Variants in ENTPD1 observed in about 807,000 individuals in gnomAD.
ENTPD1 encodes the protein ectonucleoside triphosphate diphosphohydrolase 1.
ENTPD1 carries 33 observed loss-of-function variants against 57.0 expected under a neutral mutation model. The observed-to-expected ratio is 0.58, with a 90% CI of 0.44 to 0.77. The LOEUF (loss-of-function observed/expected upper bound fraction) is 0.77, where lower values mean the gene tolerates loss of function less well. Among genes scored for constraint, ENTPD1 ranks in the 30% least tolerant of loss-of-function variants. ENTPD1 has a pLI of 0.00. For missense variants in ENTPD1, 501 were observed against 603.4 expected (o/e 0.83, Z 1.78); for synonymous variants, 202 against 218.8 (o/e 0.92, Z 0.68).
At chr10:95,777,144 G>T (rs1008084629) in intron 1 of ENTPD1, among the ~76,000 whole-genome samples, 1 of 152,190 alleles carries the variant, frequency 6.6e-6, no homozygotes, top group African/African-American at 2.4e-5. Flanking sequence ...GCTCGTCAAA[G>T]TCATTCTCCA....
chr10:95,707,745 T>C (rs1267505985), upstream of ENTPD1, among the ~76,000 whole-genome samples: 4 of 152,158 alleles, frequency 2.6e-5, no homozygotes, highest in Admixed American at 6.5e-5. Context: ...GCTGGGATTA[T>C]AGGCATGTGC....
chr10:95,747,808 T>C (rs1423679713), intron 1 of ENTPD1, among the ~76,000 whole-genome samples: 1 of 152,210 alleles, frequency 6.6e-6, no homozygotes, highest in Non-Finnish European at 1.5e-5. Context: ...TTGCTTACAC[T>C]GGTTTAACAG....
chr10:95,780,170 T>C (rs1341102891), intron 1 of ENTPD1, among the ~76,000 whole-genome samples: 2 of 152,224 alleles, frequency 1.3e-5, no homozygotes, highest in African/African-American at 4.8e-5. Context: ...TAAAAACTTT[T>C]ATTTGATAGG....
chr10:95,758,013 A>AAAAAAAAAAAAAAAAAAAAAAAT (rs2098036779), intron 1 of ENTPD1, among the ~76,000 whole-genome samples: 1 of 134,250 alleles, frequency 7.4e-6, no homozygotes, highest in Admixed American at 7.6e-5. Flanking sequence ...AAAAAAAAAA[A>AAAAAAAAAAAAAAAAAAAAAAAT]AAAAAAAAAA....
At chr10:95,839,567 C>A in intron 2 of ENTPD1, 124 bp from the exon 3 acceptor site, 1 of 953,644 alleles carries the variant, frequency 1.0e-6, no homozygotes, top group Non-Finnish European at 1.7e-6. Flanking sequence ...AGTGCCATCC[C>A]CTCAATGTTC....
At chr10:95,718,591 G>A (rs1003254879) in intron 1 of ENTPD1, among the ~76,000 whole-genome samples, 1 of 152,088 alleles carries the variant, frequency 6.6e-6, no homozygotes, top group African/African-American at 2.4e-5. Context: ...TGCTGTGTGG[G>A]CATGGAGAAC....
At chr10:95,778,558 A>G (rs1428474870) in intron 1 of ENTPD1, among the ~76,000 whole-genome samples, 1 of 152,224 alleles carries the variant, frequency 6.6e-6, no homozygotes, top group Non-Finnish European at 1.5e-5. Flanking sequence ...AATGCAATGG[A>G]TAAAATTTGA....
rs561368651 is a variant in ENTPD1 at position 95,810,219 on chromosome 10, G to A, written c.17-13018G>A. On this transcript the variant is annotated intron_variant, in intron 1 of 9. Transcript: ENST00000371205. ...CGCTCCTCACATCCCAGACGGGGTG[G>A]TGGCCAGGCAGAGGCACTCCTCACC... 2.0e-5 allele frequency among the ~76,000 whole-genome samples: 3 copies of A among 148,432 alleles called. No individual in the cohort carries two copies. In the East Asian group the frequency reaches 6.1e-4, roughly 30 times the overall value.
intron 1 of ENTPD1, among the ~76,000 whole-genome samples, chr10:95,821,038 AGTTT>A (rs1309889626): frequency 1.3e-5 from 2 of 152,210 alleles, no homozygotes; most frequent in Non-Finnish European, 2.9e-5. Context: ...ACATTGCTAC[AGTTT>A]GTTTGTTGTT....
At chr10:95,814,510 G>A (rs756681600) in intron 1 of ENTPD1, among the ~76,000 whole-genome samples, 32 of 152,114 alleles carry the variant, frequency 2.1e-4, no homozygotes, top group Non-Finnish European at 3.8e-4. Context: ...TGGGTGGGGA[G>A]CCTCAGGTTG....
At chr10:95,739,442 T>C (rs750223786) in intron 1 of ENTPD1, among the ~76,000 whole-genome samples, 10 of 152,260 alleles carry the variant, frequency 6.6e-5, no homozygotes, top group Non-Finnish European at 1.2e-4. Context: ...ATTTCAACGA[T>C]GTTCACTGCA....
Position 95,869,784 on chromosome 10 carries a change from CAACT to C in ENTPD1, c.*3404_*3407del, listed in dbSNP as rs2098478516. The C allele has an allele frequency of 1.3e-6, 1 of 743,518 alleles. No individual in the cohort carries two copies. Among genetic ancestry groups the C allele is most frequent in the South Asian group, 6.1e-5 (1 of 16,286 alleles). 46.1% of individuals were successfully genotyped at this position (743,518 alleles called of 1,614,324 possible). ...GTAACACAGGAGAGTTTTCAGAAAG[CAACT>C]AAATCCAAAATACTATCAAGGAATC... On this transcript the variant is annotated 3_prime_UTR_variant, in exon 10 of 10. Coordinates refer to ENST00000371205, the MANE Select transcript of ENTPD1 (RefSeq NM_001776.6).
intron 1 of ENTPD1, among the ~76,000 whole-genome samples, chr10:95,778,134 G>C (rs150125199): frequency 1.3e-5 from 2 of 152,136 alleles, no homozygotes; most frequent in South Asian, 2.1e-4. Flanking sequence ...GCTTCAGCTC[G>C]TCCTCCATGG....
intron 1 of ENTPD1, among the ~76,000 whole-genome samples, chr10:95,722,605 A>G (rs1215232854): frequency 7.1e-6 from 1 of 141,300 alleles, no homozygotes; most frequent in Non-Finnish European, 1.5e-5. Flanking sequence ...AAGAGAACAC[A>G]TGGACACAGG....
upstream of ENTPD1, among the ~76,000 whole-genome samples, chr10:95,751,098 A>G (rs1166741566): frequency 6.6e-6 from 1 of 152,232 alleles, no homozygotes; most frequent in Non-Finnish European, 1.5e-5. Flanking sequence ...TTTGGAGTGC[A>G]GGAAGCCTAT....
chr10:95,783,975 G>GA (rs961685240), intron 1 of ENTPD1, among the ~76,000 whole-genome samples: 86 of 152,102 alleles, frequency 5.7e-4, no homozygotes, highest in African/African-American at 1.9e-3. Context: ...AAAGCGGGTA[G>GA]AAAATCTATG....
At chr10:95,851,791 G>C (rs1311054952) in intron 7 of ENTPD1, among the ~76,000 whole-genome samples, 1 of 151,958 alleles carries the variant, frequency 6.6e-6, no homozygotes, top group Non-Finnish European at 1.5e-5. Flanking sequence ...AGTATTCCAT[G>C]GTGTATATGT....
chr10:95,831,171 G>A (rs72815720), intron 2 of ENTPD1, among the ~76,000 whole-genome samples: 2,000 of 152,288 alleles, frequency 0.013, 28 homozygotes, highest in Middle Eastern at 0.031. Context: ...AGAAAACTCC[G>A]AATGCTTCTG....
rs377408818 is a variant in ENTPD1 at position 95,859,451 on chromosome 10, G to A, written c.1075-1018G>A. On this transcript the variant is annotated intron_variant, in intron 7 of 9. Coordinates refer to ENST00000371205, the MANE Select transcript of ENTPD1 (RefSeq NM_001776.6). ...CCCCAATCTAACCGTGTTTGCCACA[G>A]GGAAAACTTTATGCCCCCCTCAAAT... Among the ~76,000 whole-genome samples, 134 of 152,210 alleles carry A rather than the reference G, an allele frequency of 8.8e-4. 1 individual carries two copies. The highest frequency in any genetic ancestry group is 3.0e-3 in the African/African-American group (124 of 41,446).
Sources: allele counts gnomAD v4.1 joint callset (sites outside exome capture counted in the v4.1 genomes callset), GRCh38; gene constraint gnomAD v4.1.1; transcripts MANE v1.5; gene names NCBI Gene and HGNC (gene_info 2026-07-23, HGNC 2026-07-21).